The following ASIC2 variants were observed in gnomAD, a reference collection of about 807,000 sequenced individuals.
The protein encoded by ASIC2 is acid sensing ion channel subunit 2, also known as acid-sensing ion channel 2.
A neutral mutation model predicts 57.3 loss-of-function variants in ASIC2; 25 were observed. The ratio of observed to expected loss-of-function variants is 0.44; its 90% CI spans 0.32 to 0.61. The LOEUF (loss-of-function observed/expected upper bound fraction) is 0.61. ASIC2 is among the 20% of genes least tolerant of loss of function. ASIC2 has a pLI of 0.06. For missense variants in ASIC2, 641 were observed against 738.1 expected (o/e 0.87, Z 1.52); for synonymous variants, 319 against 307.5 (o/e 1.04, Z -0.39).
intron 1 of ASIC2, among the ~76,000 whole-genome samples, chr17:33,989,641 G>C (rs370172648): frequency 5.3e-5 from 8 of 152,072 alleles, no homozygotes; most frequent in East Asian, 3.9e-4. Context: ...CTACTTTTGA[G>C]GATTAGATAA....
chr17:33,985,514 G>T (rs1480241557), intron 1 of ASIC2, among the ~76,000 whole-genome samples: 1 of 152,208 alleles, frequency 6.6e-6, no homozygotes, highest in Non-Finnish European at 1.5e-5. Context: ...GGCTAAGCAA[G>T]ATGTTAATGG....
chr17:33,396,978 T>C (rs1910099425), intron 1 of ASIC2, among the ~76,000 whole-genome samples: 3 of 152,218 alleles, frequency 2.0e-5, no homozygotes, highest in African/African-American at 7.2e-5. Context: ...CCCTACCTGT[T>C]GAATTCTGAC....
At chr17:33,537,656 T>C (rs540196488) in intron 1 of ASIC2, among the ~76,000 whole-genome samples, 2 of 152,252 alleles carry the variant, frequency 1.3e-5, no homozygotes, top group South Asian at 4.2e-4. Flanking sequence ...GCTCAGATCA[T>C]AATGTGGGTG....
chr17:33,322,740 C>T (rs1331886849), intron 1 of ASIC2, among the ~76,000 whole-genome samples: 1 of 151,688 alleles, frequency 6.6e-6, no homozygotes. Context: ...ACTGGGAGAG[C>T]AGGAAGAGCA....
rs960883650 is a variant in ASIC2, at chr17:33,617,717, T to C, written c.556-505650A>G. 2.0e-5 allele frequency among the ~76,000 whole-genome samples: 3 copies of C among 152,232 alleles called. No individual in the cohort carries two copies. In the South Asian group the frequency reaches 6.2e-4, roughly 31 times the overall value. ...TTATATGAAATAAATGGTACTTGCA[T>C]AATTTTTAAAAAACACAAAATAGAT... On this transcript the variant is annotated intron_variant, in intron 1 of 9. Transcript: ENST00000359872.
chr17:33,357,652 T>G (rs1908439180), intron 1 of ASIC2, among the ~76,000 whole-genome samples: 1 of 152,182 alleles, frequency 6.6e-6, no homozygotes, highest in Non-Finnish European at 1.5e-5. Flanking sequence ...ATCTCCCACA[T>G]GTATTACTCC....
intron 1 of ASIC2, among the ~76,000 whole-genome samples, chr17:33,456,235 C>T (rs1291450775): frequency 6.6e-6 from 1 of 152,122 alleles, no homozygotes; most frequent in African/African-American, 2.4e-5. Flanking sequence ...AGTTTGGTGG[C>T]ACTTCCCACC....
chr17:33,488,727 G>GAGCC (rs1297623232), intron 1 of ASIC2, among the ~76,000 whole-genome samples: 1 of 152,060 alleles, frequency 6.6e-6, no homozygotes, highest in Non-Finnish European at 1.5e-5. Context: ...ACCTCACCCT[G>GAGCC]AGCCTTTAGC....
intron 1 of ASIC2, among the ~76,000 whole-genome samples, chr17:33,981,533 G>A (rs1171783610): frequency 6.6e-6 from 1 of 152,094 alleles, no homozygotes; most frequent in Non-Finnish European, 1.5e-5. Context: ...AGGAATTGGT[G>A]GAACCAGGAC....
Position 33,754,176 on chromosome 17 carries a change from G to A in ASIC2, c.555+401802C>T, listed in dbSNP as rs73284804. 8.3e-3 allele frequency among the ~76,000 whole-genome samples: 1,264 copies of A among 152,156 alleles called. 18 individuals carry two copies. The highest frequency in any genetic ancestry group is 0.029 in the African/African-American group (1,199 of 41,490). On this transcript the variant is annotated intron_variant, in intron 1 of 9. Coordinates refer to the ASIC2 transcript ENST00000359872. ...GGTTGTCTGAATCTCTCCCTTGCAT[G>A]TCCCTCCCCTCTTCTCTCACCTTTG...
rs1443178082 is a variant in ASIC2 at position 33,649,698 on chromosome 17, AACAAAGAACCAAGAAATTGACCCAC to A, written c.555+506255_555+506279del. 6.8e-5 allele frequency among the ~76,000 whole-genome samples: 10 copies of A among 146,174 alleles called. No individual in the cohort carries two copies. In the East Asian group the frequency reaches 1.9e-3, roughly 28 times the overall value. On this transcript the variant is annotated intron_variant, in intron 1 of 9. Transcript: ENST00000359872. ...ATAGACACACATATTAAAGAAACAGAACAAAGAACCAAGAAATTGACCCACACAAATATGTCCAACAGATTTTTGA... is the reference window on the plus strand; with the variant it reads ...ATAGACACACATATTAAAGAAACAGAACAAATATGTCCAACAGATTTTTGA...
At chr17:34,062,423 T>C (rs1909001527) in intron 1 of ASIC2, among the ~76,000 whole-genome samples, 1 of 152,044 alleles carries the variant, frequency 6.6e-6, no homozygotes, top group Admixed American at 6.6e-5. Flanking sequence ...TCAAAAATTC[T>C]GAAAGATCAC....
At chr17:33,398,637 A>T (rs1910169212) in intron 1 of ASIC2, among the ~76,000 whole-genome samples, 1 of 152,076 alleles carries the variant, frequency 6.6e-6, no homozygotes, top group Non-Finnish European at 1.5e-5. Flanking sequence ...GTTGGTGATG[A>T]TGAAGAGAGA....
At chr17:33,865,752 A>T (rs1480654148) in intron 1 of ASIC2, among the ~76,000 whole-genome samples, 1 of 93,626 alleles carries the variant, frequency 1.1e-5, no homozygotes, top group Non-Finnish European at 2.3e-5. Context: ...GTATAATAAA[A>T]AAAAAATAAA....
chr17:33,529,392 C>T (rs1051476711), intron 1 of ASIC2, among the ~76,000 whole-genome samples: 1 of 152,182 alleles, frequency 6.6e-6, no homozygotes, highest in African/African-American at 2.4e-5. Flanking sequence ...GAGCGCGTTT[C>T]TTCATGTGTG....
chr17:34,094,561 G>A lies in ASIC2; in HGVS notation c.555+61417C>T, dbSNP rs376216398. Among the ~76,000 whole-genome samples the A allele has an allele frequency of 3.3e-5, 5 of 152,320 alleles. No homozygotes were observed. In the East Asian group the frequency reaches 9.7e-4, roughly 29 times the overall value. ...ACACAGTTACACAGTTAGTGAGGAT[G>A]CTGCAATTCAAACCCAGGGTGTTCA... On this transcript the variant is annotated intron_variant, in intron 1 of 9. Coordinates refer to the ASIC2 transcript ENST00000359872.
intron 1 of ASIC2, among the ~76,000 whole-genome samples, chr17:34,099,142 GAGACAGAGAGAGAGAGAGAGAGAAAGAA>G (rs1359964489): frequency 1.4e-4 from 3 of 20,884 alleles, no homozygotes; most frequent in African/African-American, 3.4e-4. Flanking sequence ...GAGAGAGAGA[GAGACAGAGAGAGAGAGAGAGAGAAAGAA>G]AGAAAGAAAG....
chr17:33,022,046 G>A (rs1265722471), intron 6 of ASIC2, among the ~76,000 whole-genome samples: 1 of 152,200 alleles, frequency 6.6e-6, no homozygotes, highest in African/African-American at 2.4e-5. Context: ...AACCCACTGA[G>A]CAGAAGCTGG....
chr17:33,475,243 C>G (rs1023075540), intron 1 of ASIC2, among the ~76,000 whole-genome samples: 8 of 151,862 alleles, frequency 5.3e-5, no homozygotes, highest in Non-Finnish European at 1.2e-4. Flanking sequence ...CACATCCCCA[C>G]CCCCCAGTAT....
Sources: gnomAD v4.1 joint callset for allele counts (sites outside exome capture counted in the v4.1 genomes callset) on GRCh38, gnomAD v4.1.1 for gene constraint, MANE v1.5 for transcripts, NCBI Gene and HGNC (gene_info 2026-07-23, HGNC 2026-07-21) for gene names.